The following DKK3 variants were observed in gnomAD, a reference collection of about 807,000 sequenced individuals.
DKK3 encodes dickkopf Wnt signaling pathway inhibitor 3, also known as dickkopf-related protein 3.
DKK3 carries 22 observed loss-of-function variants against 33.2 expected under a neutral mutation model. The ratio of observed to expected loss-of-function variants is 0.66; its 90% CI spans 0.47 to 0.95. The LOEUF is 0.95. DKK3 is among the 40% of genes least tolerant of loss of function. The probability of loss-of-function intolerance (pLI) is 0.00; values close to 1 mark genes in which losing one functional copy is unlikely to be tolerated. For synonymous variants in DKK3, 194 were observed against 188.8 expected, an observed-to-expected ratio of 1.03 and a Z score of -0.23; for missense variants, 398 against 458.4, an observed-to-expected ratio of 0.87 and a Z score of 1.20.
rs1226669165 is a variant in DKK3 at position 11,963,372 on chromosome 11, A to C, written c.*1092T>G. 6.6e-6 allele frequency: 1 copy of C among 152,322 alleles called. No individual in the cohort carries two copies. Among genetic ancestry groups the C allele is most frequent in the Non-Finnish European group, 1.5e-5 (1 of 68,054 alleles). The allele number at this position is 152,322 out of a possible 1,614,324, so 9.4% of individuals were successfully genotyped here. On this transcript the variant is annotated 3_prime_UTR_variant, in exon 7 of 7. Transcript: ENST00000683431. Reference sequence around the variant, plus strand: ...CTCCACGTGGTTGATAATTGTCTTCAGTTGCTGCTAAGTGATTTTGCAAAT... The same window carrying C: ...CTCCACGTGGTTGATAATTGTCTTCCGTTGCTGCTAAGTGATTTTGCAAAT...
intron 3 of DKK3, among the ~76,000 whole-genome samples, chr11:11,997,834 A>G (rs7116052): frequency 0.99 from 150,406 of 152,304 alleles, 74,269 homozygotes; most frequent in East Asian, 1. Flanking sequence ...ACTGTCATCC[A>G]TACACTGGTT....
chr11:11,989,140 G>T (rs1848135300), intron 3 of DKK3, among the ~76,000 whole-genome samples: 1 of 152,194 alleles, frequency 6.6e-6, no homozygotes, highest in Admixed American at 6.5e-5. Context: ...AAACAGTATG[G>T]TGTTTCCTCA....
chr11:11,994,364 G>T (rs985451743), intron 3 of DKK3, among the ~76,000 whole-genome samples: 1 of 152,058 alleles, frequency 6.6e-6, no homozygotes, highest in Non-Finnish European at 1.5e-5. Context: ...GGCAGAGCTT[G>T]TAAAAGGCAA....
At chr11:11,987,624 T>C (rs559814025) in intron 3 of DKK3, among the ~76,000 whole-genome samples, 7 of 152,330 alleles carry the variant, frequency 4.6e-5, no homozygotes, top group African/African-American at 1.7e-4. Context: ...AGGTGGGGTA[T>C]GGCAGTGGAT....
rs34324085 is a variant in DKK3, at chr11:11,974,903, G to GA, written c.436-6417dup. Among the ~76,000 whole-genome samples the GA allele has an allele frequency of 2.1e-4, 31 of 147,410 alleles. No individual in the cohort carries two copies. The East Asian group carries it at 3.2e-3, about 15-fold the overall frequency. ...TGAGTCAGACAGTGGACCCCATCTT[G>GA]AAAAAAAAAAGAATAACAGAAAGAA... is the stretch of plus-strand genomic sequence containing the variant. On this transcript the variant is annotated intron_variant, in intron 3 of 6. Transcript: ENST00000683431.
intron 6 of DKK3, 71 bp downstream of exon 6, chr11:11,965,738 C>T: frequency 6.5e-7 from 1 of 1,546,260 alleles, no homozygotes; most frequent in Middle Eastern, 2.2e-4. Context: ...CCTGCTCCTG[C>T]TCCTACGCCC....
Position 12,008,411 on chromosome 11 carries a change from T to C in DKK3, c.172A>G (p.Met58Val), listed in dbSNP as rs1848583948. 6 of 1,609,448 alleles carry C rather than the reference T, an allele frequency of 3.7e-6. No individual in the cohort carries two copies. Among genetic ancestry groups the C allele is most frequent in the Non-Finnish European group, 5.1e-6 (6 of 1,178,756 alleles). Reference protein sequence around the residue: ...NEMFREVEELMEDTQHKLRSA... With the variant: ...NEMFREVEELVEDTQHKLRSA... ...CGCAATTTGTGCTGCGTGTCCTCCA[T>C]CAGTTCCTCAACCTCGCGGAACATC... Residue 58 changes from methionine (M) to valine (V), a missense_variant, in exon 1 of 7, where the codon ATG (methionine) becomes GTG (valine). Met to Val is a conservative substitution (Grantham distance 21). Transcript: ENST00000683431. The surrounding 1 kb of genome is among the most constrained non-coding windows in gnomAD (Gnocchi z 4.6).
At chr11:11,991,101 A>T (rs1258812708) in intron 3 of DKK3, among the ~76,000 whole-genome samples, 1 of 152,204 alleles carries the variant, frequency 6.6e-6, no homozygotes. Flanking sequence ...GATGCTGCAC[A>T]TGCATTGGGT....
At chr11:11,990,931 G>A (rs1848174650) in intron 3 of DKK3, among the ~76,000 whole-genome samples, 3 of 152,204 alleles carry the variant, frequency 2.0e-5, no homozygotes, top group Admixed American at 6.5e-5. Context: ...GATGATACAT[G>A]TTCCTGCCAC....
Position 11,983,050 on chromosome 11 carries a change from A to G in DKK3, c.436-14563T>C, listed in dbSNP as rs145600398. 8.6e-4 allele frequency among the ~76,000 whole-genome samples: 131 copies of G among 152,348 alleles called. 1 individual carries two copies. The highest frequency in any genetic ancestry group is 2.9e-3 in the African/African-American group (122 of 41,586). On this transcript the variant is annotated intron_variant, in intron 3 of 6. Transcript: ENST00000683431. Reference sequence around the variant, plus strand: ...GTTTTTCAGTAATTACAAAAAGCCAAGCAGGCTCTGATAGTGTCCTCACTG... The same window carrying G: ...GTTTTTCAGTAATTACAAAAAGCCAGGCAGGCTCTGATAGTGTCCTCACTG...
intron 3 of DKK3, among the ~76,000 whole-genome samples, chr11:11,992,554 T>C (rs565064772): frequency 4.6e-5 from 7 of 152,322 alleles, no homozygotes; most frequent in Non-Finnish European, 7.4e-5. Flanking sequence ...CTGCTAGGAC[T>C]TCCCACCTCC....
At chr11:12,006,069 T>G (rs16910339) in intron 1 of DKK3, among the ~76,000 whole-genome samples, 2,329 of 152,298 alleles carry the variant, frequency 0.015, 49 homozygotes, top group African/African-American at 0.053. Context: ...TACAGCCACC[T>G]CACAATGAAG....
intron 3 of DKK3, among the ~76,000 whole-genome samples, chr11:11,988,022 C>T (rs16910295): frequency 0.058 from 8,768 of 152,226 alleles, 367 homozygotes; most frequent in East Asian, 0.18. Flanking sequence ...ATACCCTCCT[C>T]GGGCAGTCAT....
intron 3 of DKK3, among the ~76,000 whole-genome samples, chr11:11,973,972 G>T (rs1440188181): frequency 6.6e-6 from 1 of 152,204 alleles, no homozygotes; most frequent in Admixed American, 6.5e-5. Flanking sequence ...CCTCATACTG[G>T]CTGGGCACTT....
intron 3 of DKK3, among the ~76,000 whole-genome samples, chr11:11,985,325 C>A (rs537794065): frequency 7.7e-4 from 118 of 152,306 alleles, no homozygotes; most frequent in East Asian, 6.0e-3. Flanking sequence ...ATGACCCGCT[C>A]CCCCGACAGT....
chr11:12,008,529 G>C lies in DKK3; in HGVS notation c.54C>G (p.Pro18=). ...CCGTCGGAGCGGGCGCGGGGGCCGT[G>C]GGGACCGCCGCCGCCAGCAGCAGGC... The part of the protein sequence containing the change: ...LLCLLLAAAV[P]TAPAPAPTAT... The change falls in exon 1 of 7, where the codon CCC becomes CCG. Residue 18 remains proline, a synonymous_variant. Coordinates refer to ENST00000683431, the MANE Select transcript of DKK3 (RefSeq NM_001018057.2). This position sits in a 1 kb window ranked among gnomAD's most constrained non-coding sequence, Gnocchi z 4.6. 1 of 1,563,232 alleles carries C rather than the reference G, an allele frequency of 6.4e-7. No individual in the cohort carries two copies. Among genetic ancestry groups the C allele is most frequent in the Non-Finnish European group, 8.6e-7 (1 of 1,161,852 alleles).
At chr11:11,998,924 T>G in intron 2 of DKK3, 145 bp from the exon 3 acceptor site, 1 of 688,236 alleles carries the variant, frequency 1.5e-6, no homozygotes, top group Non-Finnish European at 2.5e-6. Context: ...TCTTTCTGAG[T>G]TCCCCCAGCA....
At chr11:11,992,046 G>A (rs890398591) in intron 3 of DKK3, among the ~76,000 whole-genome samples, 1 of 152,078 alleles carries the variant, frequency 6.6e-6, no homozygotes, top group East Asian at 1.9e-4. Context: ...ACACTTCTCT[G>A]CCAAAAACGT....
intron 3 of DKK3, among the ~76,000 whole-genome samples, chr11:11,985,255 G>A (rs929114222): frequency 5.9e-5 from 9 of 152,268 alleles, no homozygotes; most frequent in African/African-American, 1.4e-4. Flanking sequence ...CAAGGAGCCC[G>A]GCCACACCAC....
Sources: allele counts gnomAD v4.1 joint callset (sites outside exome capture counted in the v4.1 genomes callset), GRCh38; gene constraint gnomAD v4.1.1; non-coding constraint Gnocchi (gnomAD v3.1); transcripts MANE v1.5; gene names NCBI Gene and HGNC (gene_info 2026-07-23, HGNC 2026-07-21).